PIP5K1B: variants seen among roughly 807,000 people sequenced by gnomAD.
PIP5K1B encodes the protein phosphatidylinositol 4-phosphate 5-kinase type-1 beta.
Under a neutral mutation model 67.0 loss-of-function variants are expected in PIP5K1B, and 42 were observed. That is an observed-to-expected ratio of 0.63 (90% CI 0.49 to 0.81). PIP5K1B has a LOEUF of 0.81. Among genes scored for constraint, PIP5K1B ranks in the 30% least tolerant of loss-of-function variants. PIP5K1B has a pLI of 0.00. For missense variants in PIP5K1B, 459 were observed against 646.3 expected, an observed-to-expected ratio of 0.71 and a Z score of 3.14; for synonymous variants, 214 against 231.4, an observed-to-expected ratio of 0.92 and a Z score of 0.68.
chr9:68,734,513 A>G (rs1008025996), intron 1 of PIP5K1B, among the ~76,000 whole-genome samples: 3 of 152,258 alleles, frequency 2.0e-5, no homozygotes, highest in African/African-American at 7.2e-5. Flanking sequence ...TTGACCAGTG[A>G]AGACTGCTGG....
At chr9:68,892,119 A>G (rs1038884562) in intron 7 of PIP5K1B, among the ~76,000 whole-genome samples, 1 of 152,196 alleles carries the variant, frequency 6.6e-6, no homozygotes, top group African/African-American at 2.4e-5. Flanking sequence ...AGAAATCTGC[A>G]TTGTTCCTGA....
intron 13 of PIP5K1B, 55 bp from the exon 14 acceptor site, chr9:68,940,591 T>A: frequency 6.5e-7 from 1 of 1,550,192 alleles, no homozygotes; most frequent in Non-Finnish European, 8.9e-7. Flanking sequence ...TTATAGATAC[T>A]AAAGCTGCAT....
chr9:68,917,691 A>C lies in PIP5K1B; in HGVS notation c.915A>C (p.Ser305=), dbSNP rs1826169250. The C allele has an allele frequency of 6.2e-7, 1 of 1,614,070 alleles. No individual in the cohort carries two copies. Among genetic ancestry groups the C allele is most frequent in the African/African-American group, 1.3e-5 (1 of 74,936 alleles). The change falls in exon 9 of 16, where the codon TCA becomes TCC. Residue 305 remains serine (S), a synonymous_variant. Transcript: ENST00000265382. ...CTGGGATGCAGAAGGTTCTCTACTC[A>C]ACAGCCATGGAATCTATCCAGGGTC... ...KRTGMQKVLY[S]TAMESIQGPG...
chr9:68,754,904 T>C (rs1026520353), intron 2 of PIP5K1B, among the ~76,000 whole-genome samples: 2 of 152,206 alleles, frequency 1.3e-5, no homozygotes, highest in Non-Finnish European at 2.9e-5. Flanking sequence ...TTAAATAACA[T>C]GTTATCTATA....
At chr9:68,979,522 CTTTTTATATTTATATCCTAT>C (rs1564288905) in intron 14 of PIP5K1B, among the ~76,000 whole-genome samples, 1 of 151,546 alleles carries the variant, frequency 6.6e-6, no homozygotes, top group South Asian at 2.1e-4. Context: ...AGGAGGAACC[CTTTTTATATTTATATCCTAT>C]CACACACAGA....
chr9:68,872,773 C>A (rs1212053000), intron 5 of PIP5K1B, among the ~76,000 whole-genome samples: 27 of 152,214 alleles, frequency 1.8e-4, no homozygotes, highest in Non-Finnish European at 5.9e-5. Flanking sequence ...GTTTCATCCA[C>A]TTAACAATTT....
At chr9:68,923,510 T>C (rs1357864922) in intron 12 of PIP5K1B, 124 bp downstream of exon 12, 3 of 579,256 alleles carry the variant, frequency 5.2e-6, no homozygotes, top group African/African-American at 1.9e-5. Context: ...TTAGTAATTA[T>C]GGTTAAGTAA....
chr9:68,803,274 T>A (rs927228401), intron 2 of PIP5K1B, among the ~76,000 whole-genome samples: 1 of 152,176 alleles, frequency 6.6e-6, no homozygotes, highest in African/African-American at 2.4e-5. Context: ...TAAAAGCAGC[T>A]GGGAATATAA....
intron 2 of PIP5K1B, chr9:68,784,295 C>T (rs1452015861): frequency 3.7e-5 from 6 of 160,716 alleles, no homozygotes; most frequent in Non-Finnish European, 7.5e-5. Flanking sequence ...TGCAAGAAGT[C>T]CTAAAGTCAA....
intron 4 of PIP5K1B, among the ~76,000 whole-genome samples, chr9:68,829,095 C>G (rs1320841284): frequency 6.6e-6 from 1 of 152,200 alleles, no homozygotes; most frequent in African/African-American, 2.4e-5. Flanking sequence ...GAGCAAGACT[C>G]TGGCTCAAAA....
chr9:68,980,011 C>T (rs1394233421), intron 14 of PIP5K1B, among the ~76,000 whole-genome samples: 2 of 152,220 alleles, frequency 1.3e-5, no homozygotes, highest in East Asian at 3.8e-4. Context: ...TTCTACTTCC[C>T]TGGGTCCGTG....
At chr9:68,967,596 T>C (rs552243813) in intron 14 of PIP5K1B, among the ~76,000 whole-genome samples, 2 of 152,250 alleles carry the variant, frequency 1.3e-5, no homozygotes, top group East Asian at 3.9e-4. Context: ...CATTGAGTAA[T>C]ATTTATCGAG....
intron 2 of PIP5K1B, among the ~76,000 whole-genome samples, chr9:68,775,500 A>G (rs979240786): frequency 4.6e-5 from 7 of 152,208 alleles, no homozygotes; most frequent in African/African-American, 1.7e-4. Context: ...TGAGATGGCT[A>G]CTAAGTGACT....
chr9:68,907,687 A>G (rs1311110984), intron 8 of PIP5K1B, among the ~76,000 whole-genome samples: 2 of 152,188 alleles, frequency 1.3e-5, no homozygotes, highest in African/African-American at 4.8e-5. Flanking sequence ...AAACAACCAC[A>G]GGAATCTCAG....
rs562534909 is a variant in PIP5K1B, at chr9:68,826,344, A to T, written c.69+3661A>T. On this transcript the variant is annotated intron_variant, in intron 4 of 15. Transcript: ENST00000265382. ...AACCCACGCCTTCCTTAAAAGGGGC[A>T]GCAGGCAGTCAGCTCTAGCCAACAG... 2.0e-5 allele frequency among the ~76,000 whole-genome samples: 3 copies of T among 152,358 alleles called. No individual in the cohort carries two copies. In the East Asian group the frequency reaches 5.8e-4, roughly 29 times the overall value.
intron 2 of PIP5K1B, chr9:68,784,393 A>ATT (rs550299968): frequency 6.2e-4 from 103 of 167,222 alleles, no homozygotes; most frequent in South Asian, 2.7e-3. Flanking sequence ...AACACAGTAT[A>ATT]AATGGGAGAA....
chr9:68,822,689 T>C lies in PIP5K1B; in HGVS notation c.69+6T>C. ...AAGAAAAAACCTATAAAAAGGTGAG[T>C]GTGCATTTTATTTTCTAAAGAGGAA... On this transcript the variant is annotated splice_donor_region_variant and intron_variant, in intron 4 of 15. Transcript: ENST00000265382. 1 of 1,602,028 alleles carries C rather than the reference T, an allele frequency of 6.2e-7. No individual in the cohort carries two copies. The highest frequency in any genetic ancestry group is 1.3e-5 in the African/African-American group (1 of 74,676).
chr9:68,719,330 T>C (rs1256626327), intron 1 of PIP5K1B, among the ~76,000 whole-genome samples: 2 of 152,236 alleles, frequency 1.3e-5, no homozygotes, highest in African/African-American at 4.8e-5. Flanking sequence ...TTAAAGGTTA[T>C]AGATTACTGC....
At chr9:68,763,903 G>A (rs945648778) in intron 2 of PIP5K1B, among the ~76,000 whole-genome samples, 4 of 152,022 alleles carry the variant, frequency 2.6e-5, no homozygotes, top group African/African-American at 9.7e-5. Context: ...ATGTAGATGA[G>A]TGCTTTGAAA....
Sources: gnomAD v4.1 joint callset for allele counts (sites outside exome capture counted in the v4.1 genomes callset) on GRCh38, gnomAD v4.1.1 for gene constraint, MANE v1.5 for transcripts, NCBI Gene and HGNC (gene_info 2026-07-23, HGNC 2026-07-21) for gene names.